The following RGMB variants were observed in gnomAD, a reference collection of about 807,000 sequenced individuals.
The protein encoded by RGMB is repulsive guidance molecule BMP co-receptor b.
In RGMB, 16 loss-of-function variants were observed where a neutral mutation model predicts 26.9. That is an observed-to-expected ratio of 0.60 (90% confidence interval 0.40 to 0.90). The LOEUF is 0.90. Among genes scored for constraint, RGMB ranks in the 40% least tolerant of loss-of-function variants. The pLI, the probability that RGMB is intolerant of heterozygous loss-of-function variation, is 0.00. For synonymous variants in RGMB, 225 were observed against 229.3 expected (o/e 0.98, Z 0.17); for missense variants, 512 against 573.3 (o/e 0.89, Z 1.09).
intron 2 of RGMB, among the ~76,000 whole-genome samples, chr5:98,786,667 C>T (rs759985800): frequency 6.6e-6 from 1 of 152,124 alleles, no homozygotes; most frequent in Non-Finnish European, 1.5e-5. Flanking sequence ...TCCACTGTTT[C>T]GAATTTTGTG....
At chr5:98,792,449 T>G (rs1021605724) in intron 2 of RGMB, among the ~76,000 whole-genome samples, 8 of 152,092 alleles carry the variant, frequency 5.3e-5, no homozygotes, top group African/African-American at 1.9e-4. Flanking sequence ...TTGCCCATAA[T>G]CTGGCCTGGC....
upstream of RGMB, chr5:98,771,853 T>A (rs1341614262): frequency 1.3e-5 from 2 of 152,164 alleles, no homozygotes; most frequent in Non-Finnish European, 2.9e-5. Flanking sequence ...AAATTATTGA[T>A]CCTTAACTAT....
At chr5:98,783,236 G>A (rs1746664167) in intron 2 of RGMB, among the ~76,000 whole-genome samples, 1 of 152,138 alleles carries the variant, frequency 6.6e-6, no homozygotes, top group African/African-American at 2.4e-5. Flanking sequence ...GGGAAGCCAG[G>A]GCTGGTTTTT....
chr5:98,785,804 G>C (rs1030762639), intron 2 of RGMB, among the ~76,000 whole-genome samples: 2 of 152,124 alleles, frequency 1.3e-5, no homozygotes, highest in African/African-American at 4.8e-5. Flanking sequence ...TTAAAAGCCA[G>C]GTTTTCAAAA....
At chr5:98,789,546 C>T (rs1009001256) in intron 2 of RGMB, among the ~76,000 whole-genome samples, 5 of 151,830 alleles carry the variant, frequency 3.3e-5, no homozygotes, top group African/African-American at 9.7e-5. Flanking sequence ...AGCAAACCTT[C>T]GTAAGTTCTT....
At chr5:98,769,043 C>T, upstream of RGMB, among the ~76,000 whole-genome samples, 1 of 152,156 alleles carries the variant, frequency 6.6e-6, no homozygotes, top group Non-Finnish European at 1.5e-5. Context: ...GCGAAGGCAG[C>T]GCCGCCGGCC....
At chr5:98,778,991 C>T (rs1174166030) in intron 1 of RGMB, among the ~76,000 whole-genome samples, 1 of 151,188 alleles carries the variant, frequency 6.6e-6, no homozygotes, top group African/African-American at 2.4e-5. Flanking sequence ...GGTAAACGTG[C>T]CTCAGGAGAA....
intron 2 of RGMB, 74 bp from the exon 3 acceptor site, chr5:98,793,011 C>G (rs879238977): frequency 8.1e-7 from 1 of 1,230,160 alleles, no homozygotes; most frequent in South Asian, 1.6e-5. Context: ...TGGCGGGGAG[C>G]TCTTGCTACA....
intron 1 of RGMB, among the ~76,000 whole-genome samples, chr5:98,774,485 C>T (rs1746322859): frequency 6.6e-6 from 1 of 152,216 alleles, no homozygotes; most frequent in Non-Finnish European, 1.5e-5. Context: ...GCTTATCAAA[C>T]ATTTAGCGGG....
chr5:98,793,772 GTTTT>G lies in RGMB; in HGVS notation c.*22_*25del, dbSNP rs770124301. ...TTTGTAGGGGTTGTCTTTTGTTTTG[GTTTT>G]TTATTTTTTGTCTATAACAAAATTT... On this transcript the variant is annotated 3_prime_UTR_variant, in exon 3 of 3. Transcript: ENST00000513185. The G allele has an allele frequency of 6.7e-7, 1 of 1,500,336 alleles. No homozygotes were observed. The highest frequency in any genetic ancestry group is 8.9e-7 in the Non-Finnish European group (1 of 1,126,850). 92.9% of individuals were successfully genotyped at this position (1,500,336 alleles called of 1,614,324 possible). A position where few individuals can be genotyped will look rare whatever the true frequency, so the allele number is the denominator to read the frequency against.
At chr5:98,786,950 TG>T (rs555594257) in intron 2 of RGMB, among the ~76,000 whole-genome samples, 25 of 152,308 alleles carry the variant, frequency 1.6e-4, no homozygotes, top group South Asian at 1.5e-3. Flanking sequence ...GGACACAGCA[TG>T]TATACTGTGA....
At position 98,780,160 on chromosome 5, in the gene RGMB, G is replaced by C. The variant is rs779964375; in HGVS notation, c.645+72G>C. ...ATGTTTGATTCTTCAGATAACTTTT[G>C]AAATGTGCTATAAAGGGCCTAGTTT... On this transcript the variant is annotated intron_variant, in intron 2 of 2. Coordinates refer to ENST00000513185, the MANE Select transcript of RGMB (RefSeq NM_001366508.1). The C allele has an allele frequency of 2.1e-6, 3 of 1,424,756 alleles. No individual in the cohort carries two copies. The Admixed American group carries it at 5.9e-5, about 28-fold the overall frequency. 88.3% of individuals were successfully genotyped at this position (1,424,756 alleles called of 1,614,324 possible). A position where few individuals can be genotyped will look rare whatever the true frequency, so the allele number is the denominator to read the frequency against.
chr5:98,793,754 G>A lies in RGMB; in HGVS notation c.*1G>A. On this transcript the variant is annotated 3_prime_UTR_variant, in exon 3 of 3. Transcript: ENST00000513185. The stretch of plus-strand genomic sequence containing the variant: ...CTTGATCCTTATCGTGTTTTTGTAG[G>A]GGTTGTCTTTTGTTTTGGTTTTTTA... 6.5e-7 allele frequency: 1 copy of A among 1,531,214 alleles called. No homozygotes were observed. The highest frequency in any genetic ancestry group is 8.8e-7 in the Non-Finnish European group (1 of 1,140,016). 94.9% of individuals were successfully genotyped at this position (1,531,214 alleles called of 1,614,324 possible). A position where few individuals can be genotyped will look rare whatever the true frequency, so the allele number is the denominator to read the frequency against.
chr5:98,776,988 A>T (rs1228301328), intron 1 of RGMB, among the ~76,000 whole-genome samples: 1 of 151,768 alleles, frequency 6.6e-6, no homozygotes, highest in Non-Finnish European at 1.5e-5. Context: ...AGGGAGGCTG[A>T]GGTAGGAGAA....
chr5:98,768,803 C>T (rs1244367398), upstream of RGMB: 2 of 152,298 alleles, frequency 1.3e-5, no homozygotes, highest in Non-Finnish European at 2.9e-5. Flanking sequence ...ACCATTCCCG[C>T]CACTGTACCC....
Position 98,774,823 on chromosome 5 carries a change from C to A in RGMB, c.136+617C>A, listed in dbSNP as rs137861390. Reference sequence around the variant, plus strand: ...GGAAAAGCTCGTGTTTTGTGACTAGCCGGGTGTCTTCGGGCTCCGTGAGGG... The same window carrying A: ...GGAAAAGCTCGTGTTTTGTGACTAGACGGGTGTCTTCGGGCTCCGTGAGGG... On this transcript the variant is annotated intron_variant, in intron 1 of 2. Transcript: ENST00000513185. Among the ~76,000 whole-genome samples the A allele has an allele frequency of 4.3e-3, 662 of 152,258 alleles. 4 individuals are homozygous for A. The highest frequency in any genetic ancestry group is 6.8e-3 in the Middle Eastern group (2 of 294).
chr5:98,780,278 G>T (rs977525147), intron 2 of RGMB, 190 bp downstream of exon 2: 2 of 555,902 alleles, frequency 3.6e-6, no homozygotes, highest in Non-Finnish European at 6.2e-6. Flanking sequence ...TGTAAACGTG[G>T]TTCTAATTTT....
At chr5:98,787,543 C>CT (rs1260298966) in intron 2 of RGMB, among the ~76,000 whole-genome samples, 2 of 152,198 alleles carry the variant, frequency 1.3e-5, no homozygotes, top group Non-Finnish European at 2.9e-5. Context: ...CAGCCTAGGC[C>CT]TATAATACTG....
chr5:98,774,596 C>T (rs1035105362), intron 1 of RGMB, among the ~76,000 whole-genome samples: 2 of 152,222 alleles, frequency 1.3e-5, no homozygotes, highest in Non-Finnish European at 2.9e-5. Context: ...GCCGTCGCAG[C>T]CGCCTCGGAG....
Sources: gnomAD v4.1 joint callset for allele counts (sites outside exome capture counted in the v4.1 genomes callset) on GRCh38, gnomAD v4.1.1 for gene constraint, MANE v1.5 for transcripts, NCBI Gene and HGNC (gene_info 2026-07-23, HGNC 2026-07-21) for gene names.